Variants in FGD6 observed in about 807,000 individuals in gnomAD.
FGD6 encodes the protein FYVE, RhoGEF and PH domain-containing protein 6.
A neutral mutation model predicts 149.4 loss-of-function variants in FGD6; 90 were observed. The observed-to-expected ratio is 0.60, with a 90% CI of 0.51 to 0.72. FGD6 has a LOEUF of 0.72. Among genes scored for constraint, FGD6 ranks in the 30% least tolerant of loss-of-function variants. The pLI, the probability that FGD6 is intolerant of heterozygous loss-of-function variation, is 0.00. For synonymous variants in FGD6, 527 were observed against 584.0 expected (o/e 0.90, Z 1.41); for missense variants, 1,437 against 1,684.8 (o/e 0.85, Z 2.57).
intron 5 of FGD6, among the ~76,000 whole-genome samples, chr12:95,142,568 G>C (rs1336891658): frequency 6.6e-6 from 1 of 152,204 alleles, no homozygotes; most frequent in Non-Finnish European, 1.5e-5. Flanking sequence ...ATGAGCCACC[G>C]TGCCTGGCAG....
chr12:95,083,030 T>TATATATATACACACACACAC (rs772685891), intron 20 of FGD6, among the ~76,000 whole-genome samples: 24 of 56,582 alleles, frequency 4.2e-4, no homozygotes, highest in Non-Finnish European at 5.9e-4. Flanking sequence ...TATATATATA[T>TATATATATACACACACACAC]ACACACACAT....
At chr12:95,207,568 G>A (rs572522303) in intron 2 of FGD6, among the ~76,000 whole-genome samples, 2 of 152,246 alleles carry the variant, frequency 1.3e-5, no homozygotes, top group Admixed American at 6.5e-5. Flanking sequence ...CTACCTATGC[G>A]ACTATGGAGA....
chr12:95,138,045 A>T (rs1879726432), intron 6 of FGD6, among the ~76,000 whole-genome samples: 1 of 151,894 alleles, frequency 6.6e-6, no homozygotes, highest in Non-Finnish European at 1.5e-5. Context: ...ACATGGAGAA[A>T]CCCAGTCTCT....
At chr12:95,108,162 A>G (rs1044789323) in intron 11 of FGD6, among the ~76,000 whole-genome samples, 186 bp downstream of exon 11, 6 of 152,176 alleles carry the variant, frequency 3.9e-5, no homozygotes, top group African/African-American at 1.4e-4. Flanking sequence ...TACTTCATAA[A>G]TGGGCTTATT....
At chr12:95,094,538 A>T in intron 15 of FGD6, 54 bp downstream of exon 15, 1 of 1,236,808 alleles carries the variant, frequency 8.1e-7, no homozygotes, top group Non-Finnish European at 1.2e-6. Context: ...TGAAATGTTT[A>T]AGGTAAAAAC....
intron 17 of FGD6, 32 bp from the exon 18 acceptor site, chr12:95,089,728 A>G (rs766894809): frequency 3.7e-6 from 6 of 1,606,914 alleles, no homozygotes; most frequent in South Asian, 3.4e-5. Flanking sequence ...TATGTAGGCA[A>G]TGCTCAGCAT....
Position 95,210,770 on chromosome 12 carries a change from C to G in FGD6, c.514G>C (p.Val172Leu), listed in dbSNP as rs1384258106. Residue 172 changes from valine (V) to leucine (L), a missense_variant, in exon 2 of 21, where the codon GTT (valine) becomes CTT (leucine). Val to Leu is a conservative substitution (Grantham distance 32). This residue lies in a region of FGD6 where 1,055 missense variants were observed against 1,146.0 expected (regional missense o/e 0.92). Transcript: ENST00000343958. ...TCTAAAACGCTTGCCTTTAAAACAA[C>G]CCCACCCTGGTTCTTGGCTTTTTCA... ...YGEKAKNQGG[V>L]VLKASVLEEE... 6.2e-7 allele frequency: 1 copy of G among 1,614,106 alleles called. No individual in the cohort carries two copies. The highest frequency in any genetic ancestry group is 2.2e-5 in the East Asian group (1 of 44,892).
intron 2 of FGD6, among the ~76,000 whole-genome samples, chr12:95,199,901 T>C (rs1054302074): frequency 6.6e-5 from 10 of 152,160 alleles, no homozygotes; most frequent in Non-Finnish European, 8.8e-5. Context: ...ATTTCTACAC[T>C]GAAATCCCTT....
chr12:95,186,228 C>CTTT (rs1174763781), intron 2 of FGD6, among the ~76,000 whole-genome samples: 114 of 38,870 alleles, frequency 2.9e-3, no homozygotes, highest in Non-Finnish European at 4.9e-3. Flanking sequence ...TATTCTTCTT[C>CTTT]TTTTTTTTTT....
At chr12:95,201,187 T>C (rs1042773534) in intron 2 of FGD6, among the ~76,000 whole-genome samples, 4 of 152,100 alleles carry the variant, frequency 2.6e-5, no homozygotes, top group African/African-American at 9.7e-5. Context: ...ATATGAATAC[T>C]CATTCCCTTC....
In FGD6 at chr12:95,104,981, AAAAAAAAG is replaced by A; in HGVS notation, c.3497+18_3497+25del. On this transcript the variant is annotated intron_variant, in intron 14 of 20. Transcript: ENST00000343958. ...GCAGACTCAGAATGAGAAAAAAAAAAAAAAAAAGAAGAAGAAAAAATTTACCTGGCTGA... is the reference window on the plus strand; with the variant it reads ...GCAGACTCAGAATGAGAAAAAAAAAAAAGAAGAAAAAATTTACCTGGCTGA... 3 of 1,568,192 alleles carry A rather than the reference AAAAAAAAG, an allele frequency of 1.9e-6. No individual in the cohort carries two copies. Among genetic ancestry groups the A allele is most frequent in the Non-Finnish European group, 1.7e-6 (2 of 1,165,270 alleles).
At chr12:95,174,624 C>G (rs1452102479) in intron 2 of FGD6, among the ~76,000 whole-genome samples, 3 of 152,124 alleles carry the variant, frequency 2.0e-5, no homozygotes, top group Non-Finnish European at 4.4e-5. Context: ...GCTGTGGCAC[C>G]TATGAAGAAA....
chr12:95,208,243 C>T (rs2056702735), intron 2 of FGD6, among the ~76,000 whole-genome samples: 1 of 151,700 alleles, frequency 6.6e-6, no homozygotes, highest in Non-Finnish European at 1.5e-5. Context: ...CAGAGTAAGA[C>T]CTCATCTCAA....
At position 95,107,769 on chromosome 12, in the gene FGD6, G is replaced by A. The variant is rs1236323021; in HGVS notation, c.3265-138C>T. The A allele has an allele frequency of 4.9e-6, 4 of 810,886 alleles. No homozygotes were observed. The African/African-American group carries it at 6.9e-5, about 14-fold the overall frequency. The allele number at this position is 810,886 out of a possible 1,614,324, so 50.2% of individuals were successfully genotyped here. A position where few individuals can be genotyped will look rare whatever the true frequency, so the allele number is the denominator to read the frequency against. On this transcript the variant is annotated intron_variant, in intron 11 of 20. Coordinates refer to ENST00000343958, the MANE Select transcript of FGD6 (RefSeq NM_018351.4). ...CACAGTTTCCTTGAGATTTTTTACAGTCATAGTTAATTTTAAACCCTTAAA... is the reference window on the plus strand; with the variant it reads ...CACAGTTTCCTTGAGATTTTTTACAATCATAGTTAATTTTAAACCCTTAAA...
rs552664245 is a variant in FGD6, at chr12:95,140,281, G to C, written c.2837+1107C>G. Among the ~76,000 whole-genome samples, 3 of 152,254 alleles carry C rather than the reference G, an allele frequency of 2.0e-5. No individual in the cohort carries two copies. The East Asian group carries it at 5.8e-4, about 29-fold the overall frequency. On this transcript the variant is annotated intron_variant, in intron 6 of 20. Coordinates refer to ENST00000343958, the MANE Select transcript of FGD6 (RefSeq NM_018351.4). Reference sequence around the variant, plus strand: ...CATACTTATTTTCTTCAGCCTAGTGGAAGTAGCTTCCAATACCAACCTTTT... The same window carrying C: ...CATACTTATTTTCTTCAGCCTAGTGCAAGTAGCTTCCAATACCAACCTTTT...
chr12:95,110,492 A>G (rs1161527396), intron 9 of FGD6, among the ~76,000 whole-genome samples: 1 of 151,712 alleles, frequency 6.6e-6, no homozygotes, highest in Non-Finnish European at 1.5e-5. Flanking sequence ...CATAGCTGAC[A>G]TTACAGGTGC....
intron 8 of FGD6, among the ~76,000 whole-genome samples, chr12:95,131,767 A>T (rs1445011185): frequency 6.6e-6 from 1 of 152,162 alleles, no homozygotes; most frequent in Non-Finnish European, 1.5e-5. Flanking sequence ...GGCCTATTAT[A>T]TATAAGGTAT....
At chr12:95,216,669 CAAAAAA>C (rs143881424) in intron 1 of FGD6, among the ~76,000 whole-genome samples, 3 of 88,732 alleles carry the variant, frequency 3.4e-5, no homozygotes, top group South Asian at 4.6e-4. Flanking sequence ...TGCAGACAAG[CAAAAAA>C]AAAAAAAAAA....
chr12:95,097,129 A>T (rs936796597), intron 14 of FGD6, among the ~76,000 whole-genome samples: 1 of 152,158 alleles, frequency 6.6e-6, no homozygotes, highest in South Asian at 2.1e-4. Context: ...TTGATAACAC[A>T]TTTCTCACAG....
Sources: allele counts gnomAD v4.1 joint callset (sites outside exome capture counted in the v4.1 genomes callset), GRCh38; gene constraint gnomAD v4.1.1; regional missense constraint gnomAD v4.1.1; transcripts MANE v1.5; gene names NCBI Gene and HGNC (gene_info 2026-07-23, HGNC 2026-07-21).